NRXN3: variants seen among roughly 807,000 people sequenced by gnomAD.
The protein encoded by NRXN3 is neurexin 3.
A neutral mutation model predicts 137.6 loss-of-function variants in NRXN3; 32 were observed. That is an observed-to-expected ratio of 0.23 (90% CI 0.18 to 0.31). The LOEUF is 0.31. NRXN3 is among the 10% of genes least tolerant of loss of function. The pLI is 1.00. For missense variants in NRXN3, 1,574 were observed against 2,062.5 expected (o/e 0.76, Z 4.59); for synonymous variants, 798 against 784.5 (o/e 1.02, Z -0.29).
chr14:78,314,226 C>T (rs2078292521), intron 4 of NRXN3, among the ~76,000 whole-genome samples: 1 of 152,144 alleles, frequency 6.6e-6, no homozygotes, highest in Non-Finnish European at 1.5e-5. Flanking sequence ...GTGTTTACTT[C>T]ATCCTAAAAT....
chr14:79,063,372 C>T (rs1314622894), intron 15 of NRXN3, among the ~76,000 whole-genome samples: 1 of 152,112 alleles, frequency 6.6e-6, no homozygotes, highest in Admixed American at 6.6e-5. Flanking sequence ...CAACCTCTGC[C>T]TCCCGGGTTC....
chr14:79,156,552 A>AT (rs35027667), intron 15 of NRXN3, among the ~76,000 whole-genome samples: 73,802 of 150,746 alleles, frequency 0.49, 19,325 homozygotes, highest in East Asian at 0.61. Flanking sequence ...ACCATTCTGG[A>AT]TTTTTTTTTC....
At chr14:78,645,556 C>T (rs998094784) in intron 5 of NRXN3, 135 bp downstream of exon 5, 9 of 669,766 alleles carry the variant, frequency 1.3e-5, no homozygotes, top group Non-Finnish European at 1.9e-5. Context: ...CTAACTTTCT[C>T]CCAGTCTTTG....
intron 20 of NRXN3, among the ~76,000 whole-genome samples, chr14:79,807,713 T>C (rs767220089): frequency 1.3e-5 from 2 of 152,190 alleles, no homozygotes; most frequent in African/African-American, 4.8e-5. Flanking sequence ...ACAGAACCCC[T>C]ACCTTTAAAG....
At chr14:79,044,015 T>C (rs1595307889) in intron 15 of NRXN3, among the ~76,000 whole-genome samples, 2 of 152,166 alleles carry the variant, frequency 1.3e-5, no homozygotes, top group East Asian at 3.9e-4. Flanking sequence ...CTTTCTCCCA[T>C]GGTAACAAAC....
chr14:79,106,277 T>A (rs74579377), intron 15 of NRXN3, among the ~76,000 whole-genome samples: 4,320 of 151,858 alleles, frequency 0.028, 206 homozygotes, highest in African/African-American at 0.099. Context: ...ATGAAGAGAG[T>A]CTGCTTGGAC....
intron 4 of NRXN3, among the ~76,000 whole-genome samples, chr14:78,544,270 C>A (rs1247494719): frequency 1.3e-5 from 2 of 152,176 alleles, no homozygotes; most frequent in African/African-American, 4.8e-5. Flanking sequence ...TCTCATACAC[C>A]TTCTCCATTC....
intron 4 of NRXN3, among the ~76,000 whole-genome samples, chr14:78,485,284 G>C (rs1238023103): frequency 6.6e-6 from 1 of 152,166 alleles, no homozygotes; most frequent in Non-Finnish European, 1.5e-5. Context: ...ACTGGAGGAA[G>C]AAAAAGGGAT....
chr14:79,682,776 T>C (rs2098677135), intron 17 of NRXN3, among the ~76,000 whole-genome samples: 1 of 152,114 alleles, frequency 6.6e-6, no homozygotes, highest in Admixed American at 6.6e-5. Flanking sequence ...TTCTCTCAAA[T>C]TATAAGCTAT....
At chr14:79,181,617 G>A (rs973455021) in intron 15 of NRXN3, among the ~76,000 whole-genome samples, 17 of 150,560 alleles carry the variant, frequency 1.1e-4, no homozygotes, top group Non-Finnish European at 2.5e-4. Context: ...GGAGGCGGAG[G>A]ATGCAATCAG....
chr14:79,326,886 C>T (rs556076629), intron 15 of NRXN3, among the ~76,000 whole-genome samples: 8 of 152,232 alleles, frequency 5.3e-5, no homozygotes, highest in Non-Finnish European at 1.0e-4. Context: ...ACAAACTGGT[C>T]CTCTCTCTGA....
At chr14:78,346,506 C>A (rs1310723329) in intron 4 of NRXN3, among the ~76,000 whole-genome samples, 1 of 152,164 alleles carries the variant, frequency 6.6e-6, no homozygotes, top group Non-Finnish European at 1.5e-5. Context: ...GAATAGGGGG[C>A]AGGTATTAGG....
intron 6 of NRXN3, among the ~76,000 whole-genome samples, chr14:78,680,481 T>C (rs927286478): frequency 6.6e-6 from 1 of 152,192 alleles, no homozygotes; most frequent in Non-Finnish European, 1.5e-5. Flanking sequence ...GAAACTGTGA[T>C]TCAGAATTTT....
intron 15 of NRXN3, among the ~76,000 whole-genome samples, chr14:79,072,669 G>C (rs1463314827): frequency 6.6e-6 from 1 of 152,130 alleles, no homozygotes; most frequent in Admixed American, 6.5e-5. Flanking sequence ...TCATAGAGCT[G>C]TTATGAGAAC....
intron 8 of NRXN3, 129 bp downstream of exon 8, chr14:78,715,268 G>C (rs1380480798): frequency 1.2e-5 from 14 of 1,172,148 alleles, no homozygotes; most frequent in Non-Finnish European, 1.5e-5. Context: ...TGGGTTTACT[G>C]ATTTCCAGAT....
intron 20 of NRXN3, among the ~76,000 whole-genome samples, chr14:79,854,854 C>T (rs1275249837): frequency 6.6e-6 from 1 of 152,168 alleles, no homozygotes; most frequent in Non-Finnish European, 1.5e-5. Flanking sequence ...CAGGATCATA[C>T]TCTCACTTTT....
intron 15 of NRXN3, among the ~76,000 whole-genome samples, chr14:79,323,919 C>T (rs1042822426): frequency 1.3e-5 from 2 of 152,172 alleles, no homozygotes; most frequent in Non-Finnish European, 2.9e-5. Context: ...CTTGCAAGTA[C>T]TTGCATATGG....
At chr14:79,136,144 G>T (rs1170700841) in intron 15 of NRXN3, among the ~76,000 whole-genome samples, 3 of 152,182 alleles carry the variant, frequency 2.0e-5, no homozygotes, top group African/African-American at 4.8e-5. Context: ...CTAGGAATTA[G>T]TAATATCCCA....
chr14:79,660,804 C>T lies in NRXN3; in HGVS notation c.3445-2974C>T, dbSNP rs112395409. On this transcript the variant is annotated intron_variant, in intron 16 of 20. Transcript: ENST00000335750. ...TATGTACTGGTTTCTCATTGAAGAA[C>T]AGTGGTGCAATAAACAGCCCTCATT... Among the ~76,000 whole-genome samples, 26 of 152,198 alleles carry T rather than the reference C, an allele frequency of 1.7e-4. 1 individual carries two copies. The highest frequency in any genetic ancestry group is 6.0e-4 in the African/African-American group (25 of 41,540).
Sources: allele counts gnomAD v4.1 joint callset (sites outside exome capture counted in the v4.1 genomes callset), GRCh38; gene constraint gnomAD v4.1.1; transcripts MANE v1.5; gene names NCBI Gene and HGNC (gene_info 2026-07-23, HGNC 2026-07-21).